PALM2AKAP2: variants seen among roughly 807,000 people sequenced by gnomAD.
PALM2AKAP2 encodes the protein PALM2 and AKAP2 fusion.
A neutral mutation model predicts 71.5 loss-of-function variants in PALM2AKAP2; 37 were observed. The observed-to-expected ratio is 0.52, with a 90% CI of 0.40 to 0.68. The LOEUF (loss-of-function observed/expected upper bound fraction) is 0.68, where lower values mean the gene tolerates loss of function less well. PALM2AKAP2 is among the 30% of genes least tolerant of loss of function. PALM2AKAP2 has a pLI of 0.00. For missense variants in PALM2AKAP2, 1,224 were observed against 1,191.8 expected (o/e 1.03, Z -0.40); for synonymous variants, 468 against 478.8 (o/e 0.98, Z 0.29).
chr9:110,089,273 G>A (rs1396011859), intron 1 of PALM2AKAP2, among the ~76,000 whole-genome samples: 1 of 152,196 alleles, frequency 6.6e-6, no homozygotes, highest in East Asian at 1.9e-4. Context: ...TGAAAATGGG[G>A]CTGAAGCCAA....
At chr9:110,143,003 C>A (rs1019732002) in intron 2 of PALM2AKAP2, among the ~76,000 whole-genome samples, 1 of 152,288 alleles carries the variant, frequency 6.6e-6, no homozygotes, top group South Asian at 2.1e-4. Flanking sequence ...TGAGCTCTTC[C>A]TGCTTATGAG....
At chr9:109,978,440 T>G (rs1418490916) in intron 6 of PALM2AKAP2, among the ~76,000 whole-genome samples, 1 of 152,326 alleles carries the variant, frequency 6.6e-6, no homozygotes, top group East Asian at 1.9e-4. Context: ...TGAGCATTAA[T>G]GGAATGCCCT....
intron 1 of PALM2AKAP2, among the ~76,000 whole-genome samples, chr9:109,649,961 G>GA (rs1827203383): frequency 1.3e-5 from 2 of 152,154 alleles, no homozygotes; most frequent in Admixed American, 6.5e-5. Flanking sequence ...TTGATGACTT[G>GA]GTTTAGCATT....
At chr9:110,138,055 T>C (rs773798967) in exon 2 of PALM2AKAP2, 1 of 1,598,930 alleles carries the variant, frequency 6.3e-7, no homozygotes, top group Admixed American at 1.7e-5. Context: ...CTGAAGCGAC[T>C]GTAGAGGAAG....
intron 1 of PALM2AKAP2, among the ~76,000 whole-genome samples, chr9:109,714,675 A>G (rs1828289491): frequency 6.6e-6 from 1 of 152,196 alleles, no homozygotes; most frequent in African/African-American, 2.4e-5. Context: ...TGTATTGAAC[A>G]CCAGTAGAGG....
intron 1 of PALM2AKAP2, among the ~76,000 whole-genome samples, chr9:109,837,073 A>C (rs1298844573): frequency 6.6e-6 from 1 of 152,282 alleles, no homozygotes; most frequent in Admixed American, 6.5e-5. Context: ...AAGACACATA[A>C]TTGTCAGATT....
At chr9:109,817,831 G>T (rs555662888) in intron 1 of PALM2AKAP2, among the ~76,000 whole-genome samples, 3 of 152,286 alleles carry the variant, frequency 2.0e-5, no homozygotes, top group South Asian at 2.1e-4. Flanking sequence ...CATGGATTTA[G>T]GTTGTTAGTG....
Position 110,168,477 on chromosome 9 carries a change from G to T in PALM2AKAP2, c.2827G>T (p.Glu943Ter). Residue 943 changes from glutamate (E) to a stop codon, truncating the protein, a stop_gained, in exon 4 of 4, where the codon GAG becomes TAG. Transcript: ENST00000374525. LOFTEE classifies it high-confidence loss of function. The stretch of plus-strand genomic sequence containing the variant: ...GGAAGCAGGGATCTATGCCAACCAG[G>T]AGGAAGAAGACAACGAATAAACTTC... 1 of 1,614,162 alleles carries T rather than the reference G, an allele frequency of 6.2e-7. No individual in the cohort carries two copies. The highest frequency in any genetic ancestry group is 8.5e-7 in the Non-Finnish European group (1 of 1,180,022).
In PALM2AKAP2 at chr9:109,893,431, A is replaced by T. The variant is rs1381749211; in HGVS notation, c.257+12750A>T. Among the ~76,000 whole-genome samples, 3 of 134,434 alleles carry T rather than the reference A, an allele frequency of 2.2e-5. No homozygotes were observed. The Admixed American group carries it at 2.3e-4, about 10-fold the overall frequency. 88.2% of individuals were successfully genotyped at this position (134,434 alleles called of 152,430 possible). A position where few individuals can be genotyped will look rare whatever the true frequency, so the allele number is the denominator to read the frequency against. On this transcript the variant is annotated intron_variant, in intron 3 of 9. Transcript: ENST00000302798. ...AAGCGTGAGAGGCTAGAGTTATCTCAGCAGGGGTTTCGTTTTGTTTTGTTT... is the reference window on the plus strand; with the variant it reads ...AAGCGTGAGAGGCTAGAGTTATCTCTGCAGGGGTTTCGTTTTGTTTTGTTT...
chr9:110,015,938 C>CT lies in PALM2AKAP2; in HGVS notation c.497-8dup, dbSNP rs535801910. 5.3e-4 allele frequency: 853 copies of CT among 1,610,050 alleles called. 3 individuals carry two copies. Among genetic ancestry groups the CT allele is most frequent in the African/African-American group, 2.1e-3 (156 of 74,912 alleles). On this transcript the variant is annotated splice_polypyrimidine_tract_variant and intron_variant, in intron 6 of 9. Transcript: ENST00000302798. ...GAATGACTTGGCTCAAATGGCACTT[C>CT]TTTTTTTTCTTTCAGGAGTCGGGTG...
intron 3 of PALM2AKAP2, among the ~76,000 whole-genome samples, chr9:109,890,242 G>A (rs141253542): frequency 1.3e-5 from 2 of 152,238 alleles, no homozygotes; most frequent in East Asian, 3.9e-4. Flanking sequence ...CCATCACAAG[G>A]GCCCGGAGCC....
At chr9:109,967,384 C>T (rs554466153) in intron 6 of PALM2AKAP2, among the ~76,000 whole-genome samples, 1 of 151,862 alleles carries the variant, frequency 6.6e-6, no homozygotes, top group South Asian at 2.1e-4. Context: ...AGCCCATATG[C>T]AAGGGTAGCG....
chr9:110,150,600 CT>C (rs1380988618), intron 2 of PALM2AKAP2, among the ~76,000 whole-genome samples: 1 of 152,184 alleles, frequency 6.6e-6, no homozygotes, highest in African/African-American at 2.4e-5. Context: ...CTGCAAAGTT[CT>C]TTTTACCTCT....
At chr9:110,142,378 C>T (rs1024010270) in intron 2 of PALM2AKAP2, among the ~76,000 whole-genome samples, 1 of 152,180 alleles carries the variant, frequency 6.6e-6, no homozygotes, top group Non-Finnish European at 1.5e-5. Context: ...CAGGCATGAG[C>T]CACTGCACCT....
intron 1 of PALM2AKAP2, among the ~76,000 whole-genome samples, chr9:109,829,855 T>G (rs1239944571): frequency 6.6e-6 from 1 of 152,110 alleles, no homozygotes; most frequent in Non-Finnish European, 1.5e-5. Flanking sequence ...GATTTAGAAT[T>G]TAATGAGGCT....
At chr9:110,122,063 A>G (rs1266410051) in intron 1 of PALM2AKAP2, among the ~76,000 whole-genome samples, 2 of 152,160 alleles carry the variant, frequency 1.3e-5, no homozygotes, top group Non-Finnish European at 2.9e-5. Context: ...GCTGCCTTAC[A>G]TTACAGACAC....
chr9:110,032,634 T>C (rs1430688434), intron 7 of PALM2AKAP2, among the ~76,000 whole-genome samples: 1 of 151,328 alleles, frequency 6.6e-6, no homozygotes, highest in Non-Finnish European at 1.5e-5. Flanking sequence ...GCGGCTGCAG[T>C]GAGCTGAGAT....
chr9:109,835,091 C>A (rs758522252), intron 1 of PALM2AKAP2, among the ~76,000 whole-genome samples: 3 of 151,700 alleles, frequency 2.0e-5, no homozygotes, highest in Non-Finnish European at 4.4e-5. Flanking sequence ...TTTTTTGACA[C>A]CTGGCATTTG....
At chr9:110,130,509 G>A (rs1481161000) in intron 1 of PALM2AKAP2, among the ~76,000 whole-genome samples, 1 of 152,332 alleles carries the variant, frequency 6.6e-6, no homozygotes, top group Admixed American at 6.5e-5. Context: ...TTGCAGCCTG[G>A]CTACCAGGTT....
Sources: gnomAD v4.1 joint callset for allele counts (sites outside exome capture counted in the v4.1 genomes callset) on GRCh38, gnomAD v4.1.1 for gene constraint, MANE v1.5 for transcripts, NCBI Gene and HGNC (gene_info 2026-07-23, HGNC 2026-07-21) for gene names.